Variants in ABHD12 observed in about 807,000 individuals in gnomAD.
The protein encoded by ABHD12 is abhydrolase domain containing 12, lysophospholipase, also known as lysophosphatidylserine lipase ABHD12.
In ABHD12, 43 loss-of-function variants were observed where a neutral mutation model predicts 58.3. The ratio of observed to expected loss-of-function variants is 0.74; its 90% CI spans 0.58 to 0.95. ABHD12 has a LOEUF of 0.95. ABHD12 is among the 40% of genes least tolerant of loss of function. ABHD12 has a pLI of 0.00. For synonymous variants in ABHD12, 219 were observed against 211.2 expected, an observed-to-expected ratio of 1.04 and a Z score of -0.32; for missense variants, 539 against 537.2, an observed-to-expected ratio of 1.00 and a Z score of -0.03.
chr20:25,324,972 T>C (rs1425648087), intron 2 of ABHD12, among the ~76,000 whole-genome samples: 1 of 151,968 alleles, frequency 6.6e-6, no homozygotes, highest in African/African-American at 2.4e-5. Flanking sequence ...TCCTATTAGA[T>C]TGCCAGCTCA....
intron 1 of ABHD12, among the ~76,000 whole-genome samples, chr20:25,389,230 A>G (rs2090136934): frequency 6.6e-6 from 1 of 152,250 alleles, no homozygotes; most frequent in Admixed American, 6.5e-5. Context: ...TAGCAAAGAG[A>G]ACAGATTAGT....
intron 1 of ABHD12, among the ~76,000 whole-genome samples, chr20:25,379,785 G>C (rs537857564): frequency 1.3e-5 from 2 of 152,070 alleles, no homozygotes; most frequent in Admixed American, 1.3e-4. Flanking sequence ...CCAGAGTGCA[G>C]TGGCTTGATC....
downstream of ABHD12, among the ~76,000 whole-genome samples, chr20:25,295,998 A>T (rs769186218): frequency 2.4e-4 from 37 of 152,190 alleles, no homozygotes; most frequent in Non-Finnish European, 4.4e-4. Flanking sequence ...TGTGACCTGC[A>T]GCTTGTGGCA....
chr20:25,377,558 A>G (rs1446743157), intron 1 of ABHD12, among the ~76,000 whole-genome samples: 1 of 152,186 alleles, frequency 6.6e-6, no homozygotes, highest in Non-Finnish European at 1.5e-5. Flanking sequence ...AGATGGCCAC[A>G]CTGCCTTTTA....
In ABHD12 at chr20:25,330,731, C is replaced by A. The variant is rs1048466708; in HGVS notation, c.317-7301G>T. ...TGACACCTCACACGGCTGGGTACTC[C>A]AACAGACCTGCAGCTGAGGGTCCTG... On this transcript the variant is annotated intron_variant, in intron 2 of 12. Transcript: ENST00000339157. Among the ~76,000 whole-genome samples, 15 of 152,268 alleles carry A rather than the reference C, an allele frequency of 9.9e-5. 1 individual carries two copies. The South Asian group carries it at 3.1e-3, about 32-fold the overall frequency.
At chr20:25,384,702 A>ACC (rs2090065666) in intron 1 of ABHD12, among the ~76,000 whole-genome samples, 1 of 152,192 alleles carries the variant, frequency 6.6e-6, no homozygotes, top group Admixed American at 6.5e-5. Flanking sequence ...CCATGACTGC[A>ACC]CTGCAGCACT....
At chr20:25,380,809 T>G (rs561584124) in intron 1 of ABHD12, among the ~76,000 whole-genome samples, 11 of 152,220 alleles carry the variant, frequency 7.2e-5, no homozygotes, top group African/African-American at 2.4e-4. Flanking sequence ...CATGGTCAGG[T>G]ACAGGCCCTA....
intron 6 of ABHD12, among the ~76,000 whole-genome samples, chr20:25,312,626 C>T (rs2088873115): frequency 6.6e-6 from 1 of 152,138 alleles, no homozygotes; most frequent in African/African-American, 2.4e-5. Flanking sequence ...AGGAGCGTCT[C>T]CGCCTGGCCG....
chr20:25,381,486 T>A (rs527372541), intron 1 of ABHD12, among the ~76,000 whole-genome samples: 1 of 152,230 alleles, frequency 6.6e-6, no homozygotes, highest in East Asian at 1.9e-4. Context: ...AATGCTCTAA[T>A]ACCAACAGAC....
intron 1 of ABHD12, among the ~76,000 whole-genome samples, chr20:25,373,084 A>G (rs1375370279): frequency 6.6e-6 from 1 of 152,192 alleles, no homozygotes; most frequent in African/African-American, 2.4e-5. Context: ...AGGCCTTACC[A>G]CATAGCCCAG....
chr20:25,361,863 G>GA (rs759141049), intron 1 of ABHD12, among the ~76,000 whole-genome samples: 1 of 152,074 alleles, frequency 6.6e-6, no homozygotes, highest in Non-Finnish European at 1.5e-5. Context: ...GTTGAGGCAG[G>GA]AGAAGAGCGT....
chr20:25,320,179 G>T lies in ABHD12; in HGVS notation c.542+20C>A. On this transcript the variant is annotated intron_variant, in intron 4 of 12. Coordinates refer to ENST00000339157, the MANE Select transcript of ABHD12 (RefSeq NM_001042472.3). ...AGGAGCCATGCTCCACAGCAAAGAT[G>T]ATGGGCTCCTCTCCCTCACCTGGTA... The T allele has an allele frequency of 1.9e-6, 3 of 1,613,472 alleles. No homozygotes were observed. The highest frequency in any genetic ancestry group is 2.5e-6 in the Non-Finnish European group (3 of 1,179,952).
chr20:25,388,332 C>T (rs182074489), intron 1 of ABHD12, among the ~76,000 whole-genome samples: 2 of 152,332 alleles, frequency 1.3e-5, no homozygotes, highest in East Asian at 1.9e-4. Context: ...CTACCTACTA[C>T]GTGCCAGGTA....
At chr20:25,368,725 T>TTGC in intron 1 of ABHD12, 1 of 1,222,932 alleles carries the variant, frequency 8.2e-7, no homozygotes. Flanking sequence ...GCCCAAGGGC[T>TTGC]TGCCTTCGTC....
At chr20:25,342,150 G>A (rs1449639584) in intron 1 of ABHD12, among the ~76,000 whole-genome samples, 1 of 142,734 alleles carries the variant, frequency 7.0e-6, no homozygotes, top group Admixed American at 7.0e-5. Flanking sequence ...ACTCACAGTA[G>A]CCAAAAACAG....
intron 6 of ABHD12, among the ~76,000 whole-genome samples, chr20:25,312,729 G>A (rs2088876316): frequency 6.6e-6 from 1 of 151,740 alleles, no homozygotes; most frequent in African/African-American, 2.4e-5. Context: ...CATCTAGGAA[G>A]TGAGAAGCGT....
chr20:25,353,167 C>T (rs1388918715), intron 1 of ABHD12, among the ~76,000 whole-genome samples: 1 of 151,468 alleles, frequency 6.6e-6, no homozygotes, highest in East Asian at 1.9e-4. Context: ...TAAGTAATAC[C>T]AAAATAACAG....
At chr20:25,333,551 A>G (rs1201274746) in intron 2 of ABHD12, among the ~76,000 whole-genome samples, 1 of 151,252 alleles carries the variant, frequency 6.6e-6, no homozygotes, top group Admixed American at 6.6e-5. Flanking sequence ...TGATGCAAAA[A>G]TCCTCAATAA....
chr20:25,334,761 G>C (rs2089335194), intron 2 of ABHD12, among the ~76,000 whole-genome samples: 4 of 149,338 alleles, frequency 2.7e-5, no homozygotes, highest in Admixed American at 2.7e-4. Flanking sequence ...TATGTAGAAA[G>C]CTGAAACTGG....
Sources: gnomAD v4.1 joint callset for allele counts (sites outside exome capture counted in the v4.1 genomes callset) on GRCh38, gnomAD v4.1.1 for gene constraint, MANE v1.5 for transcripts, NCBI Gene and HGNC (gene_info 2026-07-23, HGNC 2026-07-21) for gene names.